EGFLAM: variants seen among roughly 807,000 people sequenced by gnomAD.
EGFLAM encodes the protein EGF like, fibronectin type III and laminin G domains.
In EGFLAM, 79 loss-of-function variants were observed where a neutral mutation model predicts 113.1. That is an observed-to-expected ratio of 0.70 (90% CI 0.58 to 0.84). The LOEUF is 0.84. Among genes scored for constraint, EGFLAM ranks in the 40% least tolerant of loss-of-function variants. The pLI is 0.00. For missense variants in EGFLAM, 1,265 were observed against 1,291.6 expected (o/e 0.98, Z 0.32); for synonymous variants, 504 against 487.6 (o/e 1.03, Z -0.44).
intron 14 of EGFLAM, 131 bp downstream of exon 14, chr5:38,427,383 T>C: frequency 1.4e-6 from 2 of 1,418,762 alleles, no homozygotes; most frequent in South Asian, 2.8e-5. Flanking sequence ...TTCTGAAACT[T>C]GTCCTGACTT....
chr5:38,431,043 C>G, intron 14 of EGFLAM, 134 bp from the exon 15 acceptor site: 3 of 741,054 alleles, frequency 4.0e-6, no homozygotes, highest in Non-Finnish European at 4.4e-6. Context: ...ACTAAGTTTA[C>G]TGATTCAGAT....
chr5:38,432,893 G>T (rs1742230647), intron 15 of EGFLAM, among the ~76,000 whole-genome samples: 1 of 152,148 alleles, frequency 6.6e-6, no homozygotes, highest in African/African-American at 2.4e-5. Flanking sequence ...AACCAATACG[G>T]TGACACCTAC....
intron 19 of EGFLAM, among the ~76,000 whole-genome samples, chr5:38,456,432 A>G (rs1226205145): frequency 6.6e-6 from 1 of 152,118 alleles, no homozygotes; most frequent in South Asian, 2.1e-4. Flanking sequence ...CCTACTTCCT[A>G]TTCATTCAAG....
At chr5:38,314,608 G>T (rs1738543748) in intron 1 of EGFLAM, among the ~76,000 whole-genome samples, 1 of 152,208 alleles carries the variant, frequency 6.6e-6, no homozygotes, top group South Asian at 2.1e-4. Context: ...CCTGGACAGG[G>T]CCTAGGTGAG....
rs191403859 is a variant in EGFLAM, at chr5:38,459,860, C to T, written c.2771+1466C>T. Among the ~76,000 whole-genome samples the T allele has an allele frequency of 1.0e-3, 152 of 152,326 alleles. 10 individuals carry two copies. The highest frequency in any genetic ancestry group is 4.6e-4 in the Non-Finnish European group (31 of 68,038). ...GATACAGAGGCAGATCTGTGCCTCTCAGCTTCCCAGATGGTCTAGAAAGCC... is the reference window on the plus strand; with the variant it reads ...GATACAGAGGCAGATCTGTGCCTCTTAGCTTCCCAGATGGTCTAGAAAGCC... On this transcript the variant is annotated intron_variant, in intron 20 of 21. Coordinates refer to ENST00000322350, the MANE Select transcript of EGFLAM (RefSeq NM_152403.4).
intron 5 of EGFLAM, among the ~76,000 whole-genome samples, chr5:38,356,014 C>G (rs966937766): frequency 6.6e-6 from 1 of 152,220 alleles, no homozygotes; most frequent in East Asian, 1.9e-4. Flanking sequence ...CCTGCCTCAG[C>G]CTCCCAAAGT....
rs150293232 is a variant in EGFLAM at position 38,367,221 on chromosome 5, G to A, written c.546-3075G>A. Among the ~76,000 whole-genome samples the A allele has an allele frequency of 3.9e-3, 592 of 151,354 alleles. 10 individuals are homozygous for A. The East Asian group carries it at 0.051, about 13-fold the overall frequency. On this transcript the variant is annotated intron_variant, in intron 5 of 21. Transcript: ENST00000322350. The stretch of plus-strand genomic sequence containing the variant: ...GAGTACATTGGTGCAATCATAGCTC[G>A]CAGCAGCCTCAACCTCCCAAGCTCA...
chr5:38,436,640 C>T (rs558010843), intron 16 of EGFLAM, among the ~76,000 whole-genome samples: 51 of 152,350 alleles, frequency 3.3e-4, no homozygotes, highest in Middle Eastern at 6.8e-3. Flanking sequence ...GCCCGCTCTT[C>T]TCAGGCTGTG....
At chr5:38,259,099 C>T (rs1250900072) in intron 1 of EGFLAM, among the ~76,000 whole-genome samples, 1 of 152,222 alleles carries the variant, frequency 6.6e-6, no homozygotes, top group Non-Finnish European at 1.5e-5. Flanking sequence ...AGGTGGTGGT[C>T]CCCGTGTTTG....
At chr5:38,428,003 T>G (rs1742072201) in intron 14 of EGFLAM, among the ~76,000 whole-genome samples, 1 of 152,212 alleles carries the variant, frequency 6.6e-6, no homozygotes, top group Admixed American at 6.5e-5. Flanking sequence ...TTTGTTTATG[T>G]CTCCCATCTT....
chr5:38,396,442 T>C (rs1374380614), intron 6 of EGFLAM, among the ~76,000 whole-genome samples: 1 of 152,106 alleles, frequency 6.6e-6, no homozygotes, highest in East Asian at 1.9e-4. Context: ...ATAACTGGGG[T>C]CTTTCAACTA....
intron 2 of EGFLAM, 37 bp from the exon 3 acceptor site, chr5:38,338,661 G>A: frequency 1.3e-6 from 2 of 1,598,862 alleles, no homozygotes; most frequent in Non-Finnish European, 1.7e-6. Context: ...CACAAGCACG[G>A]GCTCTGCTCT....
At chr5:38,382,859 C>A (rs944824492) in intron 6 of EGFLAM, among the ~76,000 whole-genome samples, 5 of 152,090 alleles carry the variant, frequency 3.3e-5, no homozygotes, top group African/African-American at 1.2e-4. Flanking sequence ...AACTCTAATC[C>A]CAGCATCTAC....
rs1714240559 is a variant in EGFLAM at position 38,412,522 on chromosome 5, G to C, written c.1368G>C (p.Gly456=). Residue 456 remains glycine, a synonymous_variant, in exon 11 of 22, where the codon GGG becomes GGC. Coordinates refer to ENST00000322350, the MANE Select transcript of EGFLAM (RefSeq NM_152403.4). ...CCAACAGGTTTAATTGTGGAACTGG[G>C]GTTGCCATCATCGTAAGTGAGACCA... ...SLQFRFNCGT[G]VAIIVSETKI... The C allele has an allele frequency of 6.2e-7, 1 of 1,614,038 alleles. No individual in the cohort carries two copies. Among genetic ancestry groups the C allele is most frequent in the Non-Finnish European group, 8.5e-7 (1 of 1,180,046 alleles).
At chr5:38,458,131 T>G (rs1211101442) in intron 19 of EGFLAM, among the ~76,000 whole-genome samples, 180 bp from the exon 20 acceptor site, 2 of 152,240 alleles carry the variant, frequency 1.3e-5, no homozygotes, top group African/African-American at 4.8e-5. Flanking sequence ...GTTTAATAAT[T>G]TTTAATTTCA....
At chr5:38,417,747 G>A (rs761337751) in intron 11 of EGFLAM, among the ~76,000 whole-genome samples, 1 of 152,178 alleles carries the variant, frequency 6.6e-6, no homozygotes, top group Non-Finnish European at 1.5e-5. Flanking sequence ...AGACTGGAAA[G>A]AGAACGTTTT....
intron 21 of EGFLAM, among the ~76,000 whole-genome samples, 175 bp downstream of exon 21, chr5:38,463,186 G>A (rs1415286366): frequency 6.6e-6 from 1 of 152,156 alleles, no homozygotes; most frequent in African/African-American, 2.4e-5. Flanking sequence ...TGAGGGGGCA[G>A]GAAGGGCTCC....
chr5:38,387,442 C>G (rs534657362), intron 6 of EGFLAM, among the ~76,000 whole-genome samples: 3 of 152,266 alleles, frequency 2.0e-5, no homozygotes, highest in Middle Eastern at 6.8e-3. Flanking sequence ...GCTATTCCAT[C>G]TCCTCATCTT....
chr5:38,383,043 G>C (rs375270563), intron 6 of EGFLAM, among the ~76,000 whole-genome samples: 1 of 152,162 alleles, frequency 6.6e-6, no homozygotes, highest in Non-Finnish European at 1.5e-5. Context: ...TTACAGAGCC[G>C]GACGAGCCCT....
Sources: gnomAD v4.1 joint callset for allele counts (sites outside exome capture counted in the v4.1 genomes callset) on GRCh38, gnomAD v4.1.1 for gene constraint, MANE v1.5 for transcripts, NCBI Gene and HGNC (gene_info 2026-07-23, HGNC 2026-07-21) for gene names.